The following ROR1 variants were observed in gnomAD, a reference collection of about 807,000 sequenced individuals.
The protein encoded by ROR1 is inactive tyrosine-protein kinase transmembrane receptor ROR1.
ROR1 carries 19 observed loss-of-function variants against 78.8 expected under a neutral mutation model. The observed-to-expected ratio is 0.24, with a 90% CI of 0.17 to 0.35. The LOEUF is 0.35. ROR1 is among the 10% of genes least tolerant of loss of function. ROR1 has a pLI of 1.00. For missense variants in ROR1, 917 were observed against 1,177.8 expected, an observed-to-expected ratio of 0.78 and a Z score of 3.24; for synonymous variants, 386 against 433.6, an observed-to-expected ratio of 0.89 and a Z score of 1.36.
At chr1:64,132,500 C>T (rs1176543817) in intron 4 of ROR1, among the ~76,000 whole-genome samples, 3 of 152,072 alleles carry the variant, frequency 2.0e-5, no homozygotes, top group African/African-American at 7.2e-5. Context: ...TGGCTCACAC[C>T]TGTAATCCTA....
intron 1 of ROR1, among the ~76,000 whole-genome samples, chr1:63,860,945 A>G (rs1046944537): frequency 3.3e-5 from 5 of 152,078 alleles, no homozygotes; most frequent in African/African-American, 1.2e-4. Context: ...AGGGTGTGCA[A>G]TCTTTAAAGT....
At chr1:64,033,864 C>G (rs1210168555) in intron 2 of ROR1, among the ~76,000 whole-genome samples, 1 of 152,184 alleles carries the variant, frequency 6.6e-6, no homozygotes, top group East Asian at 1.9e-4. Context: ...ACAGGTAATA[C>G]TAGAGCTTGG....
intron 2 of ROR1, among the ~76,000 whole-genome samples, chr1:64,010,842 T>C (rs1315915059): frequency 2.0e-5 from 3 of 152,176 alleles, no homozygotes; most frequent in African/African-American, 7.2e-5. Context: ...TTCTCTCCCC[T>C]GCCGCCCTGT....
At chr1:63,877,972 C>T (rs1022694790) in intron 1 of ROR1, among the ~76,000 whole-genome samples, 8 of 152,134 alleles carry the variant, frequency 5.3e-5, no homozygotes, top group Non-Finnish European at 1.2e-4. Flanking sequence ...TAACCTCAAG[C>T]CTGGATTCTG....
intron 1 of ROR1, among the ~76,000 whole-genome samples, chr1:63,796,483 A>G (rs1188366809): frequency 6.6e-6 from 1 of 152,246 alleles, no homozygotes; most frequent in Non-Finnish European, 1.5e-5. Flanking sequence ...ATGGCTTTAA[A>G]GAACCATTCC....
At chr1:63,836,991 T>C (rs1387004165) in intron 1 of ROR1, among the ~76,000 whole-genome samples, 3 of 152,138 alleles carry the variant, frequency 2.0e-5, no homozygotes, top group African/African-American at 7.2e-5. Context: ...CTGTCTTGGA[T>C]GAATGGCAGG....
intron 1 of ROR1, among the ~76,000 whole-genome samples, chr1:63,819,085 G>A (rs1644909317): frequency 6.6e-6 from 1 of 152,132 alleles, no homozygotes; most frequent in Non-Finnish European, 1.5e-5. Context: ...GAGGATCCTT[G>A]TCAGACAGTT....
At chr1:64,155,811 A>G (rs1012189274) in intron 7 of ROR1, among the ~76,000 whole-genome samples, 2 of 152,204 alleles carry the variant, frequency 1.3e-5, no homozygotes, top group African/African-American at 2.4e-5. Flanking sequence ...ACCAAGAATA[A>G]CAACAGAGAC....
At chr1:63,999,793 G>C (rs1557602217) in intron 1 of ROR1, among the ~76,000 whole-genome samples, 1 of 152,144 alleles carries the variant, frequency 6.6e-6, no homozygotes, top group East Asian at 1.9e-4. Context: ...TGGCAATATA[G>C]TTTTCTAAAC....
At chr1:63,911,021 A>G (rs1366519155) in intron 1 of ROR1, among the ~76,000 whole-genome samples, 1 of 152,218 alleles carries the variant, frequency 6.6e-6, no homozygotes, top group African/African-American at 2.4e-5. Context: ...TGAGAACTGC[A>G]GGAAGATTAT....
chr1:64,085,496 A>G (rs1242488630), intron 4 of ROR1, among the ~76,000 whole-genome samples: 1 of 152,164 alleles, frequency 6.6e-6, no homozygotes, highest in East Asian at 1.9e-4. Context: ...TATTCCCAAC[A>G]TGGCCAGAGG....
intron 5 of ROR1, among the ~76,000 whole-genome samples, chr1:64,138,925 A>G (rs10889466): frequency 0.24 from 36,085 of 151,894 alleles, 4,999 homozygotes; most frequent in African/African-American, 0.38. Context: ...CACTTTGGGA[A>G]GCTGAGGTGG....
chr1:63,830,193 C>T (rs1290603642), intron 1 of ROR1, among the ~76,000 whole-genome samples: 1 of 151,954 alleles, frequency 6.6e-6, no homozygotes, highest in Non-Finnish European at 1.5e-5. Flanking sequence ...CTTTTAAGTC[C>T]CAGAGAGTGT....
chr1:63,888,720 C>A (rs185220742), intron 1 of ROR1, among the ~76,000 whole-genome samples: 14 of 151,970 alleles, frequency 9.2e-5, no homozygotes. Context: ...ATATAAATGA[C>A]AATAAAGTGA....
chr1:63,872,192 G>A (rs1475809893), intron 1 of ROR1, among the ~76,000 whole-genome samples: 2 of 152,116 alleles, frequency 1.3e-5, no homozygotes, highest in African/African-American at 2.4e-5. Flanking sequence ...TTAGTAAACG[G>A]TTAAATATCA....
At chr1:63,788,202 C>CT (rs534414796) in intron 1 of ROR1, among the ~76,000 whole-genome samples, 3 of 152,148 alleles carry the variant, frequency 2.0e-5, no homozygotes, top group Admixed American at 6.6e-5. Context: ...GGGTGTTATC[C>CT]TTTTTTTAAA....
At chr1:64,093,308 G>T (rs879309641) in intron 4 of ROR1, among the ~76,000 whole-genome samples, 1 of 152,088 alleles carries the variant, frequency 6.6e-6, no homozygotes, top group Non-Finnish European at 1.5e-5. Flanking sequence ...TGTCCAGGCT[G>T]CCTCTGGCTC....
intron 2 of ROR1, among the ~76,000 whole-genome samples, chr1:64,045,423 G>T (rs1474839761): frequency 6.6e-6 from 1 of 152,020 alleles, no homozygotes; most frequent in Non-Finnish European, 1.5e-5. Flanking sequence ...TTTATGTTAA[G>T]CAATGGGATT....
intron 1 of ROR1, among the ~76,000 whole-genome samples, chr1:63,863,173 T>C (rs1431510458): frequency 6.6e-6 from 1 of 152,216 alleles, no homozygotes; most frequent in Non-Finnish European, 1.5e-5. Flanking sequence ...AGGAGGTAAC[T>C]ATCTCTTCTT....
Sources: gnomAD v4.1 joint callset for allele counts (sites outside exome capture counted in the v4.1 genomes callset) on GRCh38, gnomAD v4.1.1 for gene constraint, MANE v1.5 for transcripts, NCBI Gene and HGNC (gene_info 2026-07-23, HGNC 2026-07-21) for gene names.